Variants in IL1RAPL1 observed in about 807,000 individuals in gnomAD.
IL1RAPL1 encodes interleukin 1 receptor accessory protein like 1, also known as interleukin-1 receptor accessory protein-like 1.
IL1RAPL1 carries 3 observed loss-of-function variants against 48.4 expected under a neutral mutation model. The observed-to-expected ratio is 0.06, with a 90% CI of 0.03 to 0.16. The LOEUF (loss-of-function observed/expected upper bound fraction) is 0.16. Among genes scored for constraint, IL1RAPL1 ranks in the 10% least tolerant of loss-of-function variants. IL1RAPL1 has a pLI of 1.00. For synonymous variants in IL1RAPL1, 185 were observed against 187.7 expected (o/e 0.99, Z 0.12); for missense variants, 349 against 530.6 (o/e 0.66, Z 3.36).
intron 2 of IL1RAPL1, among the ~76,000 whole-genome samples, chrX:29,063,092 A>G (rs1274921110): frequency 9.0e-6 from 1 of 111,534 alleles, no homozygotes; most frequent in Non-Finnish European, 1.9e-5. Flanking sequence ...TACATAATCT[A>G]TACCTATTCC....
intron 2 of IL1RAPL1, among the ~76,000 whole-genome samples, chrX:29,253,006 AAAATCATT>A (rs1468493095): frequency 1.8e-5 from 2 of 111,145 alleles, no homozygotes; most frequent in Non-Finnish European, 3.8e-5. Flanking sequence ...TTCTGGTACT[AAAATCATT>A]ATTTTAGTAA....
intron 2 of IL1RAPL1, among the ~76,000 whole-genome samples, chrX:29,271,364 C>T (rs184391330): frequency 2.2e-3 from 250 of 111,872 alleles, no homozygotes; most frequent in African/African-American, 7.9e-3. Flanking sequence ...ATTTATATTC[C>T]TTTGGATATA....
At chrX:28,752,730 A>G (rs1387927753) in intron 1 of IL1RAPL1, among the ~76,000 whole-genome samples, 1 of 112,326 alleles carries the variant, frequency 8.9e-6, no homozygotes, top group Non-Finnish European at 1.9e-5. Context: ...AGCCCCTATG[A>G]TAACAGAGGA....
chrX:29,686,700 G>T (rs757666422), intron 6 of IL1RAPL1, among the ~76,000 whole-genome samples: 1 of 109,054 alleles, frequency 9.2e-6, no homozygotes, highest in East Asian at 2.8e-4. Flanking sequence ...TGGGACTACA[G>T]GCGCCCGCCA....
rs767125929 is a variant in IL1RAPL1, at chrX:28,860,468, T to C, written c.82+71043T>C. Among the ~76,000 whole-genome samples, 43 of 109,417 alleles carry C rather than the reference T, an allele frequency of 3.9e-4. 1 individual carries two copies. The South Asian group carries it at 0.016, about 41-fold the overall frequency. Reference sequence around the variant, plus strand: ...TATTTATTTCATTTTCTTTTCTTTTTTTTTTTTTGATGGAGTTTTTGCTCT... The same window carrying C: ...TATTTATTTCATTTTCTTTTCTTTTCTTTTTTTTGATGGAGTTTTTGCTCT... On this transcript the variant is annotated intron_variant, in intron 2 of 10. Coordinates refer to ENST00000378993, the MANE Select transcript of IL1RAPL1 (RefSeq NM_014271.4).
intron 6 of IL1RAPL1, among the ~76,000 whole-genome samples, chrX:29,708,309 A>G (rs1927254342): frequency 1.8e-5 from 2 of 111,573 alleles, no homozygotes; most frequent in African/African-American, 3.3e-5. Context: ...TACACACTAC[A>G]TTATTAACTG....
chrX:29,637,074 A>G (rs1179889276), intron 5 of IL1RAPL1, among the ~76,000 whole-genome samples: 1 of 107,842 alleles, frequency 9.3e-6, no homozygotes, highest in Non-Finnish European at 1.9e-5. Flanking sequence ...AAAAAAATTT[A>G]GGAACAGTCT....
intron 6 of IL1RAPL1, among the ~76,000 whole-genome samples, chrX:29,749,967 T>C (rs780643928): frequency 8.5e-4 from 95 of 111,550 alleles, no homozygotes; most frequent in African/African-American, 2.9e-3. Context: ...TGTTGGACTT[T>C]CTCTTTTCTG....
intron 5 of IL1RAPL1, among the ~76,000 whole-genome samples, chrX:29,627,706 T>C (rs1370063462): frequency 4.5e-5 from 5 of 111,460 alleles, no homozygotes; most frequent in African/African-American, 1.6e-4. Flanking sequence ...CCCGGTGGTA[T>C]TCAGCAAAGG....
intron 2 of IL1RAPL1, among the ~76,000 whole-genome samples, chrX:29,174,207 A>G (rs1369346770): frequency 9.0e-6 from 1 of 111,405 alleles, no homozygotes; most frequent in East Asian, 2.8e-4. Context: ...TACAGGTGTG[A>G]GCCACCACGC....
intron 5 of IL1RAPL1, among the ~76,000 whole-genome samples, chrX:29,494,784 C>T (rs1293725558): frequency 8.9e-6 from 1 of 112,135 alleles, no homozygotes; most frequent in African/African-American, 3.2e-5. Context: ...TTCTTTCATT[C>T]TTAGGAAAAC....
At chrX:29,467,727 G>T (rs1934879119) in intron 5 of IL1RAPL1, among the ~76,000 whole-genome samples, 1 of 112,301 alleles carries the variant, frequency 8.9e-6, no homozygotes, top group African/African-American at 3.2e-5. Context: ...TTCAATAGCT[G>T]GGGCTAGAAC....
intron 5 of IL1RAPL1, among the ~76,000 whole-genome samples, chrX:29,496,674 A>G (rs953932820): frequency 3.6e-5 from 4 of 111,007 alleles, no homozygotes; most frequent in African/African-American, 1.3e-4. Context: ...AAATGCAAGA[A>G]TGGCCTCATA....
At chrX:28,848,924 C>A (rs1445535405) in intron 2 of IL1RAPL1, among the ~76,000 whole-genome samples, 1 of 111,639 alleles carries the variant, frequency 9.0e-6, no homozygotes. Flanking sequence ...GTTAACATGA[C>A]CTAATTTTCA....
At chrX:28,906,126 G>T (rs188084533) in intron 2 of IL1RAPL1, among the ~76,000 whole-genome samples, 1 of 111,813 alleles carries the variant, frequency 8.9e-6, no homozygotes, top group Non-Finnish European at 1.9e-5. Context: ...AGGGGAAAGA[G>T]CCATTTATAA....
intron 1 of IL1RAPL1, among the ~76,000 whole-genome samples, chrX:28,732,284 AGTT>A (rs1231989720): frequency 2.1e-4 from 23 of 112,054 alleles, no homozygotes; most frequent in African/African-American, 7.1e-4. Context: ...TTTTTAGCAG[AGTT>A]GTTCATCATA....
chrX:28,792,852 A>AATAT (rs1316590512), intron 2 of IL1RAPL1, among the ~76,000 whole-genome samples: 2 of 19,862 alleles, frequency 1.0e-4, no homozygotes, highest in African/African-American at 8.4e-4. Context: ...TATATATATA[A>AATAT]AAAATAAGGC....
intron 6 of IL1RAPL1, among the ~76,000 whole-genome samples, chrX:29,751,983 G>A (rs866111427): frequency 1.6e-3 from 162 of 99,587 alleles, no homozygotes; most frequent in Non-Finnish European, 2.8e-3. Flanking sequence ...TCATATATAT[G>A]TGTGTGTATA....
intron 2 of IL1RAPL1, among the ~76,000 whole-genome samples, chrX:29,098,720 G>T (rs755729992): frequency 1.8e-5 from 2 of 112,418 alleles, no homozygotes; most frequent in South Asian, 3.6e-4. Flanking sequence ...ATTAACAGAA[G>T]AATTTACAAA....
Sources: allele counts gnomAD v4.1 joint callset (sites outside exome capture counted in the v4.1 genomes callset), GRCh38; gene constraint gnomAD v4.1.1; transcripts MANE v1.5; gene names NCBI Gene and HGNC (gene_info 2026-07-23, HGNC 2026-07-21).